The following KCNB2 variants were observed in gnomAD, a reference collection of about 807,000 sequenced individuals.
KCNB2 encodes the protein potassium voltage-gated channel subfamily B member 2, also known as delayed rectifier potassium channel protein.
KCNB2 carries 15 observed loss-of-function variants against 61.5 expected under a neutral mutation model. That is an observed-to-expected ratio of 0.24 (90% CI 0.16 to 0.38). The LOEUF is 0.38. Ranked by LOEUF, KCNB2 falls within the 10% of genes least tolerant of loss-of-function variation. The pLI is 1.00. For missense variants in KCNB2, 828 were observed against 1,125.2 expected (o/e 0.74, Z 3.78); for synonymous variants, 457 against 446.0 (o/e 1.02, Z -0.31).
At chr8:72,633,599 G>A (rs1805916554) in intron 2 of KCNB2, among the ~76,000 whole-genome samples, 1 of 152,126 alleles carries the variant, frequency 6.6e-6, no homozygotes, top group African/African-American at 2.4e-5. Flanking sequence ...AGAAGACTCT[G>A]AGGGATCAGC....
intron 2 of KCNB2, among the ~76,000 whole-genome samples, chr8:72,913,563 C>T (rs1257931775): frequency 1.3e-5 from 2 of 152,146 alleles, no homozygotes; most frequent in East Asian, 1.9e-4. Flanking sequence ...TCCTACATTC[C>T]TCTCATCTCA....
intron 2 of KCNB2, among the ~76,000 whole-genome samples, chr8:72,598,919 T>A (rs533250712): frequency 6.6e-6 from 1 of 152,264 alleles, no homozygotes; most frequent in South Asian, 2.1e-4. Flanking sequence ...CAAGGAGAAC[T>A]GCAAACCACA....
chr8:72,711,186 C>G (rs1217679128), intron 2 of KCNB2, among the ~76,000 whole-genome samples: 1 of 152,194 alleles, frequency 6.6e-6, no homozygotes, highest in Non-Finnish European at 1.5e-5. Flanking sequence ...ATTGATTACT[C>G]TGGACCAGAA....
rs111706574 is a variant in KCNB2 at position 72,558,896 on chromosome 8, C to A, written c.-93-8746C>A. Among the ~76,000 whole-genome samples, 903 of 151,984 alleles carry A rather than the reference C, an allele frequency of 5.9e-3. 9 individuals carry two copies. Among genetic ancestry groups the A allele is most frequent in the African/African-American group, 0.021 (855 of 41,458 alleles). ...AGGTCAGGGGACAATAATATGTGAT[C>A]CTTGAGTTGATATCTGAAGGTGAAG... On this transcript the variant is annotated intron_variant, in intron 1 of 2. Coordinates refer to ENST00000523207, the MANE Select transcript of KCNB2 (RefSeq NM_004770.3).
At chr8:72,596,969 C>A (rs550535830) in intron 2 of KCNB2, among the ~76,000 whole-genome samples, 26 of 145,990 alleles carry the variant, frequency 1.8e-4, no homozygotes, top group African/African-American at 6.4e-4. Context: ...TGGGAAACAG[C>A]CAACCAGCAT....
chr8:72,573,746 G>C (rs115740634), intron 2 of KCNB2, among the ~76,000 whole-genome samples: 3,453 of 150,700 alleles, frequency 0.023, 111 homozygotes, highest in African/African-American at 0.077. Flanking sequence ...ACCATGCAGT[G>C]CTCTCCTCTA....
chr8:72,825,315 C>T (rs1025234791), intron 2 of KCNB2, among the ~76,000 whole-genome samples: 1 of 152,172 alleles, frequency 6.6e-6, no homozygotes. Flanking sequence ...ATTTGGGTTG[C>T]TTTCACCTTT....
intron 2 of KCNB2, among the ~76,000 whole-genome samples, chr8:72,838,950 G>A (rs1809831161): frequency 1.3e-5 from 2 of 151,962 alleles, no homozygotes; most frequent in African/African-American, 4.8e-5. Context: ...CATTAGCCAC[G>A]AATAATTTTC....
At chr8:72,556,812 G>C (rs1806436092) in intron 1 of KCNB2, among the ~76,000 whole-genome samples, 1 of 152,050 alleles carries the variant, frequency 6.6e-6, no homozygotes, top group Admixed American at 6.6e-5. Flanking sequence ...CTGATGGTAT[G>C]GTATCTTAGT....
At chr8:72,909,131 C>CA (rs957697040) in intron 2 of KCNB2, among the ~76,000 whole-genome samples, 1 of 151,960 alleles carries the variant, frequency 6.6e-6, no homozygotes, top group African/African-American at 2.4e-5. Flanking sequence ...ACTAATGAGC[C>CA]AAAAACAACA....
chr8:72,810,656 T>C (rs866989279), intron 2 of KCNB2, among the ~76,000 whole-genome samples: 5 of 152,266 alleles, frequency 3.3e-5, no homozygotes, highest in Non-Finnish European at 5.9e-5. Flanking sequence ...GACAGACTTA[T>C]GTCCTTTATT....
chr8:72,929,576 T>A (rs1270780847), intron 2 of KCNB2, among the ~76,000 whole-genome samples: 1 of 152,218 alleles, frequency 6.6e-6, no homozygotes, highest in Non-Finnish European at 1.5e-5. Flanking sequence ...GACGTTCAAC[T>A]AAAATGACAT....
chr8:72,770,113 T>C lies in KCNB2; in HGVS notation c.580-165822T>C, dbSNP rs984466094. On this transcript the variant is annotated intron_variant, in intron 2 of 2. Coordinates refer to ENST00000523207, the MANE Select transcript of KCNB2 (RefSeq NM_004770.3). ...AAGGGAATAACAGCCCTTCAAACTA[T>C]AGGAGCACCATAGCTCCAGAAATCC... is the stretch of plus-strand genomic sequence containing the variant. 3.9e-5 allele frequency among the ~76,000 whole-genome samples: 6 copies of C among 152,304 alleles called. No individual in the cohort carries two copies. The East Asian group carries it at 1.2e-3, about 29-fold the overall frequency.
At chr8:72,542,147 G>C (rs958864035) in intron 1 of KCNB2, among the ~76,000 whole-genome samples, 4 of 152,034 alleles carry the variant, frequency 2.6e-5, no homozygotes, top group Non-Finnish European at 5.9e-5. Context: ...TTGAAGAAAA[G>C]TTTTTTCTAA....
At chr8:72,657,982 A>G (rs1806318543) in intron 2 of KCNB2, among the ~76,000 whole-genome samples, 1 of 152,062 alleles carries the variant, frequency 6.6e-6, no homozygotes, top group Admixed American at 6.6e-5. Flanking sequence ...TTCTCCATGG[A>G]CTTCCTATTC....
At chr8:72,787,396 C>T (rs529809169) in intron 2 of KCNB2, among the ~76,000 whole-genome samples, 35 of 151,952 alleles carry the variant, frequency 2.3e-4, no homozygotes, top group Non-Finnish European at 4.1e-4. Context: ...GACTCTGTCT[C>T]TAAAATAAAT....
At chr8:72,804,670 G>T (rs1458031718) in intron 2 of KCNB2, among the ~76,000 whole-genome samples, 2 of 152,152 alleles carry the variant, frequency 1.3e-5, no homozygotes, top group Non-Finnish European at 1.5e-5. Context: ...GTGGGGCTTT[G>T]CCACATAATT....
intron 2 of KCNB2, among the ~76,000 whole-genome samples, chr8:72,718,579 C>A (rs1807488599): frequency 6.6e-6 from 1 of 150,960 alleles, no homozygotes; most frequent in African/African-American, 2.4e-5. Context: ...AAACCAAACA[C>A]CGCATGTTCT....
chr8:72,653,052 A>G (rs1206559702), intron 2 of KCNB2, among the ~76,000 whole-genome samples: 1 of 152,020 alleles, frequency 6.6e-6, no homozygotes, highest in Non-Finnish European at 1.5e-5. Flanking sequence ...CTGTCTTCAC[A>G]TGGCCTGTCC....
Sources: allele counts gnomAD v4.1 joint callset (sites outside exome capture counted in the v4.1 genomes callset), GRCh38; gene constraint gnomAD v4.1.1; transcripts MANE v1.5; gene names NCBI Gene and HGNC (gene_info 2026-07-23, HGNC 2026-07-21).